The following NPHP1 variants were observed in gnomAD, a reference collection of about 807,000 sequenced individuals.
NPHP1 encodes nephrocystin-1.
A neutral mutation model predicts 90.4 loss-of-function variants in NPHP1; 70 were observed. That is an observed-to-expected ratio of 0.77 (90% CI 0.64 to 0.95). NPHP1 has a LOEUF of 0.95. Ranked by LOEUF, NPHP1 falls within the 40% of genes least tolerant of loss-of-function variation. The probability of loss-of-function intolerance (pLI) is 0.00; values close to 1 mark genes in which losing one functional copy is unlikely to be tolerated. For synonymous variants in NPHP1, 256 were observed against 271.7 expected (o/e 0.94, Z 0.57); for missense variants, 764 against 795.9 (o/e 0.96, Z 0.48).
chr2:110,166,828 A>G (rs1682762731), intron 6 of NPHP1, among the ~76,000 whole-genome samples: 1 of 152,246 alleles, frequency 6.6e-6, no homozygotes, highest in South Asian at 2.1e-4. Flanking sequence ...CATCTAAATG[A>G]GATTAGAAGA....
At chr2:110,139,097 G>A (rs1374938029) in intron 16 of NPHP1, among the ~76,000 whole-genome samples, 1 of 151,752 alleles carries the variant, frequency 6.6e-6, no homozygotes, top group African/African-American at 2.4e-5. Context: ...AAGCATTCAA[G>A]CAACTAACAT....
At chr2:110,139,059 C>T (rs1226912613) in intron 16 of NPHP1, among the ~76,000 whole-genome samples, 1 of 152,082 alleles carries the variant, frequency 6.6e-6, no homozygotes, top group Non-Finnish European at 1.5e-5. Context: ...CCAGCAAACT[C>T]TGGCAATGAA....
intron 2 of NPHP1, chr2:110,184,175 C>G: frequency 1.8e-6 from 1 of 560,964 alleles, no homozygotes; most frequent in Non-Finnish European, 3.5e-6. Flanking sequence ...AGTATGTGGG[C>G]CTACCCATGC....
intron 2 of NPHP1, among the ~76,000 whole-genome samples, chr2:110,182,725 A>C (rs1229824093): frequency 6.6e-6 from 1 of 152,164 alleles, no homozygotes; most frequent in Admixed American, 6.6e-5. Context: ...CTATGAAGCA[A>C]CCACATAAAC....
intron 1 of NPHP1, among the ~76,000 whole-genome samples, chr2:110,203,728 A>G (rs1213255320): frequency 1.3e-5 from 2 of 152,144 alleles, no homozygotes; most frequent in African/African-American, 2.4e-5. Flanking sequence ...TGAAATTAAA[A>G]TGTCAGAAAA....
intron 14 of NPHP1, among the ~76,000 whole-genome samples, chr2:110,145,451 T>C (rs1396710853): frequency 2.0e-5 from 3 of 151,930 alleles, no homozygotes. Context: ...CCACCATGCT[T>C]GGCTAATTTT....
intron 2 of NPHP1, among the ~76,000 whole-genome samples, chr2:110,198,575 G>A (rs56746186): frequency 0.043 from 6,492 of 152,048 alleles, 459 homozygotes; most frequent in African/African-American, 0.15. Context: ...CTCCTTACCA[G>A]GGGATTCTTC....
At chr2:110,139,547 A>T (rs981184001) in intron 16 of NPHP1, among the ~76,000 whole-genome samples, 3 of 152,182 alleles carry the variant, frequency 2.0e-5, no homozygotes, top group African/African-American at 7.2e-5. Flanking sequence ...TTTTCACAGG[A>T]TTCCTGATAT....
intron 5 of NPHP1, 44 bp from the exon 6 acceptor site, chr2:110,168,597 ATCATGAGTATATG>A (rs752577090): frequency 1.6e-6 from 2 of 1,276,436 alleles, no homozygotes; most frequent in East Asian, 4.6e-5. Flanking sequence ...AAATTCAATA[ATCATGAGTATATG>A]TCAATACCAA....
At chr2:110,184,740 C>T in intron 2 of NPHP1, 1 of 718,384 alleles carries the variant, frequency 1.4e-6, no homozygotes, top group South Asian at 1.4e-5. Flanking sequence ...GAAAGACCCT[C>T]CTACCTATCC....
chr2:110,170,650 T>C (rs1683060699), intron 4 of NPHP1, among the ~76,000 whole-genome samples: 1 of 151,824 alleles, frequency 6.6e-6, no homozygotes, highest in East Asian at 1.9e-4. Flanking sequence ...ATCTAGAAAA[T>C]GGAGAATTAT....
rs1681114746 is a variant in NPHP1, at chr2:110,147,169, T to A, written c.1270-334A>T. On this transcript the variant is annotated intron_variant, in intron 13 of 19. Coordinates refer to ENST00000445609, the MANE Select transcript of NPHP1 (RefSeq NM_001128178.3). ...TCAGTACTACATGGGATGATGAACC[T>A]TTGTTTCACTGACAGATAGAATGCA... 2.6e-5 allele frequency among the ~76,000 whole-genome samples: 4 copies of A among 152,068 alleles called. 1 individual carries two copies. The highest frequency in any genetic ancestry group is 2.6e-4 in the Admixed American group (4 of 15,250).
At chr2:110,204,629 G>C (rs1685805796) in intron 1 of NPHP1, among the ~76,000 whole-genome samples, 1 of 152,152 alleles carries the variant, frequency 6.6e-6, no homozygotes, top group Non-Finnish European at 1.5e-5. Flanking sequence ...CGTTAGGTGG[G>C]AGTGAGGGTC....
intron 11 of NPHP1, among the ~76,000 whole-genome samples, chr2:110,157,515 C>T (rs768454850): frequency 6.6e-6 from 1 of 152,078 alleles, no homozygotes; most frequent in East Asian, 1.9e-4. Flanking sequence ...TCAGCATGTG[C>T]AAAACCAAGC....
chr2:110,191,102 A>T (rs1055883986), intron 2 of NPHP1, among the ~76,000 whole-genome samples: 5 of 152,152 alleles, frequency 3.3e-5, no homozygotes, highest in Non-Finnish European at 7.3e-5. Context: ...GCAGAAGATG[A>T]ATGATTTCTG....
rs535959260 is a variant in NPHP1 at position 110,137,169 on chromosome 2, T to C, written c.1530-5378A>G. Among the ~76,000 whole-genome samples the C allele has an allele frequency of 6.0e-3, 911 of 151,976 alleles. 11 individuals carry two copies. Among genetic ancestry groups the C allele is most frequent in the Middle Eastern group, 0.01 (3 of 294 alleles). ...CCTTCCTTACACCTTATACAAAAATTAATTCAAGATGGATTAAAGACTTAA... is the reference window on the plus strand; with the variant it reads ...CCTTCCTTACACCTTATACAAAAATCAATTCAAGATGGATTAAAGACTTAA... On this transcript the variant is annotated intron_variant, in intron 16 of 19. Coordinates refer to ENST00000445609, the MANE Select transcript of NPHP1 (RefSeq NM_001128178.3).
chr2:110,161,679 T>C lies in NPHP1; in HGVS notation c.878A>G (p.Asn293Ser). ...LLEEGNQFRANYFLQPELMPS... is the reference protein window; with the variant it reads ...LLEEGNQFRASYFLQPELMPS... Reference sequence around the variant, plus strand: ...CATGAGCTCTGGTTGTAAGAAGTAATTTGCTCGAAATTGATTCCCTGAAAA... The same window carrying C: ...CATGAGCTCTGGTTGTAAGAAGTAACTTGCTCGAAATTGATTCCCTGAAAA... Residue 293 changes from asparagine (N) to serine (S), a missense_variant, in exon 10 of 20, where the codon AAT becomes AGT. Asn to Ser is a conservative substitution (Grantham distance 46). Coordinates refer to ENST00000445609, the MANE Select transcript of NPHP1 (RefSeq NM_001128178.3). The C allele has an allele frequency of 1.2e-6, 2 of 1,612,398 alleles. No individual in the cohort carries two copies. Among genetic ancestry groups the C allele is most frequent in the Non-Finnish European group, 1.7e-6 (2 of 1,178,560 alleles).
chr2:110,200,433 C>T (rs1302239604), intron 2 of NPHP1, among the ~76,000 whole-genome samples: 2 of 147,596 alleles, frequency 1.4e-5, no homozygotes, highest in African/African-American at 2.5e-5. Flanking sequence ...TGTGGTGGGG[C>T]ACGACTGTAA....
chr2:110,143,212 C>G (rs938841942), intron 16 of NPHP1, among the ~76,000 whole-genome samples: 2 of 152,108 alleles, frequency 1.3e-5, no homozygotes, highest in African/African-American at 4.8e-5. Flanking sequence ...GTAAATTTTA[C>G]TGCATGTAAA....
Sources: allele counts gnomAD v4.1 joint callset (sites outside exome capture counted in the v4.1 genomes callset), GRCh38; gene constraint gnomAD v4.1.1; transcripts MANE v1.5; gene names NCBI Gene and HGNC (gene_info 2026-07-23, HGNC 2026-07-21).